GALNT17: variants seen among roughly 807,000 people sequenced by gnomAD.
GALNT17 encodes the protein UDP-GalNAc:polypeptide N-acetylgalactosaminyltransferase-like 3.
Under a neutral mutation model 63.7 loss-of-function variants are expected in GALNT17, and 29 were observed. That is an observed-to-expected ratio of 0.46 (90% confidence interval 0.34 to 0.62). The LOEUF (loss-of-function observed/expected upper bound fraction) is 0.62. Ranked by LOEUF, GALNT17 falls within the 20% of genes least tolerant of loss-of-function variation. GALNT17 has a pLI of 0.01. For synonymous variants in GALNT17, 305 were observed against 318.3 expected, an observed-to-expected ratio of 0.96 and a Z score of 0.45; for missense variants, 603 against 799.6, an observed-to-expected ratio of 0.75 and a Z score of 2.97.
rs540693492 is a variant in GALNT17, at chr7:71,304,082, T to C, written c.239-31468T>C. On this transcript the variant is annotated intron_variant, in intron 1 of 10. Coordinates refer to ENST00000333538, the MANE Select transcript of GALNT17 (RefSeq NM_022479.3). Reference sequence around the variant, plus strand: ...GCTTTTCACTCTAATTTCTGCTCAATACCCTTGAGCACACCTTGTTGGTTG... The same window carrying C: ...GCTTTTCACTCTAATTTCTGCTCAACACCCTTGAGCACACCTTGTTGGTTG... Among the ~76,000 whole-genome samples the C allele has an allele frequency of 1.6e-3, 238 of 152,328 alleles. 2 individuals carry two copies. The highest frequency in any genetic ancestry group is 2.3e-3 in the Non-Finnish European group (156 of 68,026).
At chr7:71,273,426 G>A (rs1261262429) in intron 1 of GALNT17, among the ~76,000 whole-genome samples, 4 of 152,118 alleles carry the variant, frequency 2.6e-5, no homozygotes, top group Non-Finnish European at 2.9e-5. Flanking sequence ...ATGAAATATC[G>A]GCTAGATTAT....
chr7:71,380,987 A>G (rs558247908), intron 2 of GALNT17, among the ~76,000 whole-genome samples: 1 of 149,710 alleles, frequency 6.7e-6, no homozygotes, highest in Admixed American at 6.7e-5. Context: ...TTAAGACAGG[A>G]TCTCGCTCCG....
chr7:71,145,963 C>T (rs1788015122), intron 1 of GALNT17, among the ~76,000 whole-genome samples: 2 of 152,126 alleles, frequency 1.3e-5, no homozygotes, highest in South Asian at 4.1e-4. Context: ...GTCTTGGCCT[C>T]CCAAAGTGCT....
At chr7:71,291,733 T>G (rs1378240543) in intron 1 of GALNT17, among the ~76,000 whole-genome samples, 1 of 152,222 alleles carries the variant, frequency 6.6e-6, no homozygotes, top group Non-Finnish European at 1.5e-5. Flanking sequence ...GTTATTTTGA[T>G]TATCTCTTGA....
intron 9 of GALNT17, among the ~76,000 whole-genome samples, chr7:71,703,036 G>A (rs571363455): frequency 1.4e-4 from 22 of 152,274 alleles, no homozygotes; most frequent in African/African-American, 4.3e-4. Context: ...GAAATTTTTG[G>A]TTTGGAGATA....
Position 71,526,748 on chromosome 7 carries a change from G to C in GALNT17, c.963-44537G>C, listed in dbSNP as rs1017191082. ...TTGGCCAGTCTAGTCTTGAACGCCT[G>C]TGTGATCCACCTGCCTTGGCCTCCT... is the stretch of plus-strand genomic sequence containing the variant. On this transcript the variant is annotated intron_variant, in intron 5 of 10. Transcript: ENST00000333538. Among the ~76,000 whole-genome samples the C allele has an allele frequency of 1.3e-5, 2 of 152,062 alleles. 1 individual carries two copies. The highest frequency in any genetic ancestry group is 4.1e-4 in the South Asian group (2 of 4,830).
chr7:71,302,467 C>T (rs535710518), intron 1 of GALNT17, among the ~76,000 whole-genome samples: 4 of 152,166 alleles, frequency 2.6e-5, no homozygotes, highest in South Asian at 2.1e-4. Flanking sequence ...CTCTACATGG[C>T]GGCCTTCGAA....
At chr7:71,609,350 G>A (rs1006560557) in intron 6 of GALNT17, among the ~76,000 whole-genome samples, 4 of 152,132 alleles carry the variant, frequency 2.6e-5, no homozygotes, top group African/African-American at 4.8e-5. Context: ...TTTGTAAGCC[G>A]TGAAGGCTTG....
intron 1 of GALNT17, among the ~76,000 whole-genome samples, chr7:71,318,404 T>G (rs1791539064): frequency 7.1e-6 from 1 of 140,492 alleles, no homozygotes; most frequent in Non-Finnish European, 1.5e-5. Context: ...GACCATTCCC[T>G]GAAGCTCTTT....
chr7:71,226,438 G>A (rs552614504), intron 1 of GALNT17, among the ~76,000 whole-genome samples: 13 of 152,254 alleles, frequency 8.5e-5, no homozygotes, highest in African/African-American at 2.4e-4. Context: ...TTCTATCTTC[G>A]TGGTCTAGGC....
chr7:71,318,311 G>C (rs545251169), intron 1 of GALNT17, among the ~76,000 whole-genome samples: 1 of 152,126 alleles, frequency 6.6e-6, no homozygotes, highest in African/African-American at 2.4e-5. Flanking sequence ...GCTGATGTTG[G>C]AGACACAGTC....
chr7:71,428,290 TTCTGTC>T (rs1786797246), intron 5 of GALNT17, among the ~76,000 whole-genome samples: 1 of 152,174 alleles, frequency 6.6e-6, no homozygotes, highest in African/African-American at 2.4e-5. Context: ...CCAATCTACT[TTCTGTC>T]TCTATGGATT....
intron 1 of GALNT17, among the ~76,000 whole-genome samples, chr7:71,283,220 G>T (rs1790809610): frequency 6.6e-6 from 1 of 151,972 alleles, no homozygotes; most frequent in East Asian, 1.9e-4. Flanking sequence ...AAATTTGTGT[G>T]TAGATGGAGT....
At chr7:71,551,442 C>T (rs1405352414) in intron 5 of GALNT17, among the ~76,000 whole-genome samples, 4 of 152,108 alleles carry the variant, frequency 2.6e-5, no homozygotes, top group African/African-American at 9.7e-5. Flanking sequence ...AAGTCCTGTG[C>T]CTCTCTTTTG....
chr7:71,359,670 A>T (rs750829670), intron 2 of GALNT17, among the ~76,000 whole-genome samples: 2 of 150,514 alleles, frequency 1.3e-5, no homozygotes, highest in Non-Finnish European at 3.0e-5. Context: ...TGCAACCTCC[A>T]CCTTCTGGGT....
At chr7:71,634,827 C>G (rs11766287) in intron 6 of GALNT17, among the ~76,000 whole-genome samples, 1 of 151,456 alleles carries the variant, frequency 6.6e-6, no homozygotes, top group Admixed American at 6.6e-5. Context: ...CTGGACAACT[C>G]GAAGCAGGGG....
intron 1 of GALNT17, among the ~76,000 whole-genome samples, chr7:71,183,947 A>G (rs992851822): frequency 1.3e-5 from 2 of 152,122 alleles, no homozygotes; most frequent in Non-Finnish European, 1.5e-5. Context: ...CTTCACTAAG[A>G]GCTACTGTGA....
chr7:71,689,090 C>T (rs1387576966), intron 9 of GALNT17, among the ~76,000 whole-genome samples: 1 of 152,106 alleles, frequency 6.6e-6, no homozygotes, highest in Non-Finnish European at 1.5e-5. Context: ...CTATGAGCTG[C>T]ACCTAGACAG....
At chr7:71,289,542 C>G (rs950903115) in intron 1 of GALNT17, among the ~76,000 whole-genome samples, 7 of 151,960 alleles carry the variant, frequency 4.6e-5, no homozygotes, top group African/African-American at 1.7e-4. Flanking sequence ...TTGAGACCAG[C>G]CTGGCCAACA....
Sources: allele counts gnomAD v4.1 joint callset (sites outside exome capture counted in the v4.1 genomes callset), GRCh38; gene constraint gnomAD v4.1.1; transcripts MANE v1.5; gene names NCBI Gene and HGNC (gene_info 2026-07-23, HGNC 2026-07-21).